The following DLGAP1 variants were observed in gnomAD, a reference collection of about 807,000 sequenced individuals.
The protein encoded by DLGAP1 is DLG associated protein 1, also known as disks large-associated protein 1.
In DLGAP1, 11 loss-of-function variants were observed where a neutral mutation model predicts 90.8. That is an observed-to-expected ratio of 0.12 (90% CI 0.08 to 0.20). DLGAP1 has a LOEUF of 0.20. Ranked by LOEUF, DLGAP1 falls within the 10% of genes least tolerant of loss-of-function variation. The pLI, the probability that DLGAP1 is intolerant of heterozygous loss-of-function variation, is 1.00. For missense variants in DLGAP1, 1,050 were observed against 1,333.8 expected, an observed-to-expected ratio of 0.79 and a Z score of 3.31; for synonymous variants, 558 against 540.7, an observed-to-expected ratio of 1.03 and a Z score of -0.44.
intron 7 of DLGAP1, among the ~76,000 whole-genome samples, chr18:3,589,229 C>T (rs2056093156): frequency 6.6e-6 from 1 of 152,124 alleles, no homozygotes; most frequent in African/African-American, 2.4e-5. Flanking sequence ...TTGCAAGCTT[C>T]AGGAAGGCCT....
At chr18:3,787,140 TC>T (rs1437383718) in intron 5 of DLGAP1, among the ~76,000 whole-genome samples, 2 of 20,066 alleles carry the variant, frequency 1.0e-4, no homozygotes, top group Admixed American at 4.3e-4. Context: ...AATAGGAACA[TC>T]ATGAAATGGC....
chr18:4,343,222 G>A (rs375602128), intron 1 of DLGAP1, among the ~76,000 whole-genome samples: 3 of 151,682 alleles, frequency 2.0e-5, no homozygotes, highest in African/African-American at 7.3e-5. Flanking sequence ...CAGGAGAATG[G>A]CGTGAACCCA....
At chr18:3,539,296 C>A (rs563329724) in intron 9 of DLGAP1, among the ~76,000 whole-genome samples, 57 of 152,192 alleles carry the variant, frequency 3.7e-4, no homozygotes, top group African/African-American at 1.3e-3. Context: ...TGATATCAAC[C>A]CAAAAGCTGA....
At chr18:4,165,006 T>C (rs1381043648) in intron 1 of DLGAP1, among the ~76,000 whole-genome samples, 4 of 152,066 alleles carry the variant, frequency 2.6e-5, no homozygotes, top group African/African-American at 9.7e-5. Context: ...CAGGGGCCTT[T>C]AGGAAGATTA....
intron 2 of DLGAP1, among the ~76,000 whole-genome samples, chr18:4,121,455 A>G (rs1192255595): frequency 6.6e-6 from 1 of 152,034 alleles, no homozygotes; most frequent in Non-Finnish European, 1.5e-5. Flanking sequence ...CTTTGGCAAG[A>G]ACCCCTCACC....
intron 2 of DLGAP1, among the ~76,000 whole-genome samples, chr18:4,018,496 G>C (rs534889277): frequency 6.6e-6 from 1 of 152,358 alleles, no homozygotes; most frequent in African/African-American, 2.4e-5. Context: ...CGAGTACCTT[G>C]GCTCTGAAGG....
intron 7 of DLGAP1, among the ~76,000 whole-genome samples, chr18:3,672,316 G>A (rs1481007693): frequency 6.6e-6 from 1 of 151,632 alleles, no homozygotes; most frequent in South Asian, 2.1e-4. Flanking sequence ...GGTGGTTCAC[G>A]CCTGCAATCC....
intron 7 of DLGAP1, among the ~76,000 whole-genome samples, chr18:3,675,308 C>T (rs2060259391): frequency 6.6e-6 from 1 of 152,206 alleles, no homozygotes; most frequent in South Asian, 2.1e-4. Flanking sequence ...CCCCTGACCT[C>T]AGGTAATCCG....
chr18:4,273,674 GT>G (rs2079337037), intron 1 of DLGAP1, among the ~76,000 whole-genome samples: 2 of 152,166 alleles, frequency 1.3e-5, no homozygotes, highest in Admixed American at 6.5e-5. Context: ...GGCTCAAGCA[GT>G]TCTCCCAATT....
intron 1 of DLGAP1, among the ~76,000 whole-genome samples, chr18:4,271,421 G>T (rs1479094567): frequency 1.3e-5 from 2 of 152,090 alleles, no homozygotes; most frequent in African/African-American, 4.8e-5. Flanking sequence ...CATATCATTT[G>T]CCTGGTATCC....
At chr18:3,863,083 G>T (rs1398615293) in intron 4 of DLGAP1, among the ~76,000 whole-genome samples, 1 of 152,210 alleles carries the variant, frequency 6.6e-6, no homozygotes, top group Admixed American at 6.5e-5. Flanking sequence ...GTTGATTGAG[G>T]GATTAATAAA....
At chr18:3,974,716 A>T (rs2073532696) in intron 3 of DLGAP1, among the ~76,000 whole-genome samples, 1 of 152,200 alleles carries the variant, frequency 6.6e-6, no homozygotes, top group Non-Finnish European at 1.5e-5. Context: ...TAACATAAAA[A>T]GGAGGTTTTA....
At chr18:3,848,562 A>T (rs2148672189) in intron 4 of DLGAP1, among the ~76,000 whole-genome samples, 1 of 151,966 alleles carries the variant, frequency 6.6e-6, no homozygotes, top group Admixed American at 6.6e-5. Context: ...TTCAAAACCA[A>T]ACTCTCCCGC....
At chr18:3,757,381 C>A (rs2063760360) in intron 5 of DLGAP1, among the ~76,000 whole-genome samples, 1 of 152,036 alleles carries the variant, frequency 6.6e-6, no homozygotes, top group Non-Finnish European at 1.5e-5. Context: ...TGCACTCCAG[C>A]CTGGGTGACA....
At chr18:4,208,970 A>G (rs1216824097) in intron 1 of DLGAP1, among the ~76,000 whole-genome samples, 1 of 152,174 alleles carries the variant, frequency 6.6e-6, no homozygotes, top group Non-Finnish European at 1.5e-5. Context: ...AACCACTGTC[A>G]GTGGCAATTA....
intron 2 of DLGAP1, among the ~76,000 whole-genome samples, chr18:4,087,064 C>CATATATACATACATGTATATAT (rs2075694559): frequency 4.3e-5 from 4 of 92,662 alleles, no homozygotes; most frequent in African/African-American, 1.7e-4. Flanking sequence ...TATATATACA[C>CATATATACATACATGTATATAT]ACACTTATAT....
intron 1 of DLGAP1, among the ~76,000 whole-genome samples, chr18:4,258,246 G>A (rs909244001): frequency 1.3e-5 from 2 of 152,054 alleles, no homozygotes; most frequent in African/African-American, 2.4e-5. Context: ...GTCTCGTTGT[G>A]TTGCTCAGGC....
At chr18:3,536,682 TA>T (rs1229414245) in intron 9 of DLGAP1, among the ~76,000 whole-genome samples, 1 of 152,240 alleles carries the variant, frequency 6.6e-6, no homozygotes, top group East Asian at 1.9e-4. Context: ...CCTGTGCCTT[TA>T]ATTTTCTTTT....
rs186226132 is a variant in DLGAP1, at chr18:4,215,827, G to T, written c.-266-64540C>A. ...TGGCAGTGCATCTCCTCCTGATGTT[G>T]GTGGTCCATTTCTCCTGCCAAAAGT... is the stretch of plus-strand genomic sequence containing the variant. On this transcript the variant is annotated intron_variant, in intron 1 of 12. Transcript: ENST00000315677. 1.4e-4 allele frequency among the ~76,000 whole-genome samples: 21 copies of T among 152,144 alleles called. No individual in the cohort carries two copies. The East Asian group carries it at 4.1e-3, about 29-fold the overall frequency.
Sources: allele counts gnomAD v4.1 joint callset (sites outside exome capture counted in the v4.1 genomes callset), GRCh38; gene constraint gnomAD v4.1.1; transcripts MANE v1.5; gene names NCBI Gene and HGNC (gene_info 2026-07-23, HGNC 2026-07-21).